The following MAD1L1 variants were observed in gnomAD, a reference collection of about 807,000 sequenced individuals.
The protein encoded by MAD1L1 is mitotic spindle assembly checkpoint protein MAD1.
MAD1L1 carries 95 observed loss-of-function variants against 96.9 expected under a neutral mutation model. That is an observed-to-expected ratio of 0.98 (90% CI 0.83 to 1.16). The LOEUF (loss-of-function observed/expected upper bound fraction) is 1.16, where lower values mean the gene tolerates loss of function less well. Among genes scored for constraint, MAD1L1 ranks in the 50% most tolerant of loss-of-function variants. The pLI is 0.00. For synonymous variants in MAD1L1, 473 were observed against 396.6 expected, an observed-to-expected ratio of 1.19 and a Z score of -2.29; for missense variants, 1,007 against 954.4, an observed-to-expected ratio of 1.06 and a Z score of -0.73.
chr7:1,863,777 G>C (rs757857969), intron 18 of MAD1L1, among the ~76,000 whole-genome samples: 1 of 151,964 alleles, frequency 6.6e-6, no homozygotes, highest in Non-Finnish European at 1.5e-5. Context: ...TCAGGCACCC[G>C]GGGGCCCAAG....
At chr7:1,858,325 G>C (rs1031548602) in intron 18 of MAD1L1, among the ~76,000 whole-genome samples, 5 of 152,212 alleles carry the variant, frequency 3.3e-5, no homozygotes, top group Non-Finnish European at 5.9e-5. Flanking sequence ...CCCCAACTCC[G>C]TTCCTGGCCC....
At chr7:2,164,746 CA>C (rs1790342900) in intron 10 of MAD1L1, among the ~76,000 whole-genome samples, 1 of 152,210 alleles carries the variant, frequency 6.6e-6, no homozygotes, top group East Asian at 1.9e-4. Context: ...ATCCAGTGAA[CA>C]AATTTAACTG....
chr7:1,874,065 C>A (rs1324634346), intron 18 of MAD1L1, among the ~76,000 whole-genome samples: 1 of 152,188 alleles, frequency 6.6e-6, no homozygotes, highest in South Asian at 2.1e-4. Flanking sequence ...ATGCTAGGGT[C>A]GGTGCTTCTG....
rs373024327 is a variant in MAD1L1 at position 2,169,300 on chromosome 7, C to T, written c.987-20062G>A. Among the ~76,000 whole-genome samples the T allele has an allele frequency of 9.9e-5, 15 of 152,218 alleles. No homozygotes were observed. In the East Asian group the frequency reaches 1.2e-3, roughly 12 times the overall value. On this transcript the variant is annotated intron_variant, in intron 10 of 18. Coordinates refer to ENST00000265854, the MANE Select transcript of MAD1L1 (RefSeq NM_001013836.2). ...GGTAGGGATGCGACTGGTGGGATTACGGGGGATTGGCAGTCTTCTTTTTAT... is the reference window on the plus strand; with the variant it reads ...GGTAGGGATGCGACTGGTGGGATTATGGGGGATTGGCAGTCTTCTTTTTAT...
intron 11 of MAD1L1, among the ~76,000 whole-genome samples, chr7:2,086,608 G>A (rs534893934): frequency 6.6e-6 from 1 of 152,332 alleles, no homozygotes; most frequent in Admixed American, 6.5e-5. Flanking sequence ...GAGCTGGAGT[G>A]CAATGGCACG....
At chr7:1,865,865 C>A (rs1306568211) in intron 18 of MAD1L1, among the ~76,000 whole-genome samples, 1 of 152,220 alleles carries the variant, frequency 6.6e-6, no homozygotes, top group Non-Finnish European at 1.5e-5. Context: ...GGCTTCGGGG[C>A]TCCACGAGCC....
chr7:1,914,027 C>CA (rs920407111), intron 17 of MAD1L1, among the ~76,000 whole-genome samples: 3 of 152,018 alleles, frequency 2.0e-5, no homozygotes, highest in African/African-American at 4.8e-5. Context: ...GTCTCCCCCC[C>CA]CAGCACGCCT....
intron 11 of MAD1L1, among the ~76,000 whole-genome samples, chr7:2,083,691 C>T (rs1785768657): frequency 6.6e-6 from 1 of 152,258 alleles, no homozygotes; most frequent in South Asian, 2.1e-4. Context: ...TGGGTTGAAA[C>T]CCGGCCTCCG....
chr7:2,017,411 T>G (rs1054610242), intron 12 of MAD1L1, among the ~76,000 whole-genome samples: 13 of 152,108 alleles, frequency 8.5e-5, no homozygotes, highest in Non-Finnish European at 1.6e-4. Flanking sequence ...CGAACGGCCA[T>G]GTGAAGAGAA....
At chr7:2,120,368 CT>C (rs1419334516) in intron 11 of MAD1L1, among the ~76,000 whole-genome samples, 1 of 152,258 alleles carries the variant, frequency 6.6e-6, no homozygotes, top group East Asian at 1.9e-4. Context: ...GCAGCAGCCT[CT>C]GCCTCCACAG....
rs746227184 is a variant in MAD1L1 at position 2,219,436 on chromosome 7, C to A, written c.492G>T (p.Gly164=). The change falls in exon 6 of 19, where the codon GGG becomes GGT. Residue 164 remains glycine (G), a synonymous_variant. Coordinates refer to ENST00000265854, the MANE Select transcript of MAD1L1 (RefSeq NM_001013836.2). ...CGCTCCACTGCAGTTCCGAGATCCT[C>A]CCCTTCAGTGCGTTGATGGTCTAAA... The part of the protein sequence containing the change: ...QAGETINALK[G]RISELQWSVM... 1.9e-6 allele frequency: 3 copies of A among 1,613,646 alleles called. No homozygotes were observed. The African/African-American group carries it at 4.0e-5, about 22-fold the overall frequency.
intron 11 of MAD1L1, among the ~76,000 whole-genome samples, chr7:2,147,100 G>A (rs761459805): frequency 2.0e-5 from 3 of 152,190 alleles, no homozygotes; most frequent in Non-Finnish European, 4.4e-5. Flanking sequence ...ACTGAGACCC[G>A]GGGACGGCTC....
At chr7:2,095,957 G>A (rs918308672) in intron 11 of MAD1L1, among the ~76,000 whole-genome samples, 10 of 152,232 alleles carry the variant, frequency 6.6e-5, no homozygotes, top group South Asian at 2.1e-4. Context: ...GCGCGGGTCC[G>A]CGGGGAGACA....
At chr7:2,144,667 A>G (rs1789205257) in intron 11 of MAD1L1, among the ~76,000 whole-genome samples, 1 of 151,920 alleles carries the variant, frequency 6.6e-6, no homozygotes, top group African/African-American at 2.4e-5. Context: ...AGGGCCAAGG[A>G]GACTAAGAGG....
intron 18 of MAD1L1, among the ~76,000 whole-genome samples, chr7:1,881,240 G>C (rs900151650): frequency 1.3e-5 from 2 of 152,094 alleles, no homozygotes; most frequent in African/African-American, 4.8e-5. Context: ...AAATGGTCAC[G>C]CATTTGAATT....
intron 12 of MAD1L1, among the ~76,000 whole-genome samples, chr7:2,051,223 T>C (rs1196867836): frequency 6.6e-6 from 1 of 152,210 alleles, no homozygotes; most frequent in Non-Finnish European, 1.5e-5. Flanking sequence ...TAAAGCCACC[T>C]GTGCCAGCTG....
chr7:1,980,112 G>C (rs1439272405), intron 15 of MAD1L1, among the ~76,000 whole-genome samples: 1 of 152,332 alleles, frequency 6.6e-6, no homozygotes, highest in East Asian at 1.9e-4. Context: ...GGCCTGGAGA[G>C]GGGGACAGGA....
intron 11 of MAD1L1, among the ~76,000 whole-genome samples, chr7:2,132,579 C>T (rs1043283620): frequency 6.6e-6 from 1 of 152,358 alleles, no homozygotes; most frequent in South Asian, 2.1e-4. Context: ...CTGGCAACCA[C>T]CGATCTTTTT....
intron 18 of MAD1L1, among the ~76,000 whole-genome samples, chr7:1,820,040 G>A (rs566275813): frequency 7.2e-5 from 11 of 152,150 alleles, no homozygotes; most frequent in African/African-American, 2.7e-4. Flanking sequence ...GAGATACTGG[G>A]AAGTTATGTG....
Sources: gnomAD v4.1 joint callset for allele counts (sites outside exome capture counted in the v4.1 genomes callset) on GRCh38, gnomAD v4.1.1 for gene constraint, MANE v1.5 for transcripts, NCBI Gene and HGNC (gene_info 2026-07-23, HGNC 2026-07-21) for gene names.